Variants in ZNRF4 observed in about 807,000 individuals in gnomAD.
ZNRF4 encodes zinc and ring finger 4.
For missense variants in ZNRF4, 569 were observed against 609.4 expected (o/e 0.93, Z 0.70); for synonymous variants, 291 against 285.9 (o/e 1.02, Z -0.18).
rs776302528 is a variant in ZNRF4 at position 5,456,013 on chromosome 19, C to A, written c.522C>A (p.Asn174Lys). ...YDCTFDLKVL[N>K]AQRAGFEAAI... Reference sequence around the variant, plus strand: ...GCACCTTCGACCTCAAGGTGCTGAACGCCCAGCGCGCCGGCTTCGAGGCGG... The same window carrying A: ...GCACCTTCGACCTCAAGGTGCTGAAAGCCCAGCGCGCCGGCTTCGAGGCGG... Residue 174 changes from asparagine to lysine, a missense_variant, in exon 1 of 1, where the codon AAC becomes AAA. Physicochemically the swap from Asn to Lys is moderately conservative, Grantham distance 94 (BLOSUM62 0). Coordinates refer to ENST00000222033, the MANE Select transcript of ZNRF4 (RefSeq NM_181710.4). 6.2e-7 allele frequency: 1 copy of A among 1,601,064 alleles called. No homozygotes were observed. Among genetic ancestry groups the A allele is most frequent in the Non-Finnish European group, 8.5e-7 (1 of 1,179,790 alleles).
At position 5,456,445 on chromosome 19, in the gene ZNRF4, G is replaced by C; in HGVS notation, c.954G>C (p.Glu318Asp). Residue 318 changes from glutamate to aspartate, a missense_variant, in exon 1 of 1, where the codon GAG becomes GAC. Transcript: ENST00000222033. ...LCAICLDEYEEGDQLKILPCS... is the reference protein window; with the variant it reads ...LCAICLDEYEDGDQLKILPCS... ...CCATCTGCCTGGATGAGTATGAGGA[G>C]GGCGACCAACTCAAGATCCTGCCCT... 3 of 1,613,854 alleles carry C rather than the reference G, an allele frequency of 1.9e-6. No individual in the cohort carries two copies. The highest frequency in any genetic ancestry group is 2.5e-6 in the Non-Finnish European group (3 of 1,180,026).
chr19:5,456,626 C>A lies in ZNRF4; in HGVS notation c.1135C>A (p.His379Asn), dbSNP rs1356817886. The change falls in exon 1 of 1, where the codon CAC (histidine) becomes AAC (asparagine). Residue 379 changes from histidine to asparagine, a missense_variant. His to Asn is a moderately conservative substitution (Grantham distance 68). Transcript: ENST00000222033. ...GGACGAGGACCCCTCCCTACCGGGC[C>A]ACCGGCCCCCCATCTGGGCCATTCA... Reference protein sequence around the residue: ...FRDEDPSLPGHRPPIWAIQVQ... With the variant: ...FRDEDPSLPGNRPPIWAIQVQ... 6.2e-7 allele frequency: 1 copy of A among 1,613,344 alleles called. No homozygotes were observed. Among genetic ancestry groups the A allele is most frequent in the Middle Eastern group, 1.7e-4 (1 of 6,060 alleles).
Position 5,456,080 on chromosome 19 carries a change from A to G in ZNRF4, c.589A>G (p.Thr197Ala). ...CCACTCCGACGACCTCGTGAGCATG[A>G]CCCACGTCTACGAGGACTTGAGGGG... ...NVHSDDLVSM[T>A]HVYEDLRGQI... The change falls in exon 1 of 1, where the codon ACC (threonine) becomes GCC (alanine). Residue 197 changes from threonine to alanine, a missense_variant. By Grantham distance (58) the Thr-to-Ala change is moderately conservative. Transcript: ENST00000222033. The G allele has an allele frequency of 1.2e-6, 2 of 1,605,578 alleles. No homozygotes were observed. Among genetic ancestry groups the G allele is most frequent in the Non-Finnish European group, 1.7e-6 (2 of 1,179,862 alleles).
In ZNRF4 at chr19:5,456,503, C is replaced by T. The variant is rs1199189932; in HGVS notation, c.1012C>T (p.Pro338Ser). The change falls in exon 1 of 1, where the codon CCC (proline) becomes TCC (serine). Residue 338 changes from proline (P) to serine (S), a missense_variant. Pro to Ser is a moderately conservative substitution (Grantham distance 74). Coordinates refer to ENST00000222033, the MANE Select transcript of ZNRF4 (RefSeq NM_181710.4). Reference sequence around the variant, plus strand: ...CACCTACCACTGCAAATGCATTGACCCCTGGTTCTCCCAAGCCCCCCGGCG... The same window carrying T: ...CACCTACCACTGCAAATGCATTGACTCCTGGTTCTCCCAAGCCCCCCGGCG... ...SHTYHCKCID[P>S]WFSQAPRRSC... The T allele has an allele frequency of 6.2e-7, 1 of 1,614,134 alleles. No homozygotes were observed. The highest frequency in any genetic ancestry group is 1.7e-5 in the Admixed American group (1 of 60,028).
Position 5,456,181 on chromosome 19 carries a change from G to A in ZNRF4, c.690G>A (p.Lys230=). 3.1e-6 allele frequency: 5 copies of A among 1,608,392 alleles called. No homozygotes were observed. The highest frequency in any genetic ancestry group is 4.2e-6 in the Non-Finnish European group (5 of 1,179,840). The part of the protein sequence containing the change: ...QDLRVILGCN[K]SAHALLLPDD... Reference sequence around the variant, plus strand: ...TGCGGGTCATCCTGGGCTGCAACAAGTCGGCCCACGCGCTGCTCCTGCCCG... The same window carrying A: ...TGCGGGTCATCCTGGGCTGCAACAAATCGGCCCACGCGCTGCTCCTGCCCG... Residue 230 remains lysine, a synonymous_variant, in exon 1 of 1, where the codon AAG becomes AAA. Transcript: ENST00000222033.
In ZNRF4 at chr19:5,456,242, G is replaced by C. The variant is rs113345491; in HGVS notation, c.751G>C (p.Val251Leu). ...GTGCCACGACCTGGGCTGTCACCCC[G>C]TGCTGACCGTGTCCTGGGTGCTGGG... ...PPCHDLGCHP[V>L]LTVSWVLGCT... Residue 251 changes from valine (V) to leucine (L), a missense_variant, in exon 1 of 1, where the codon GTG becomes CTG. Transcript: ENST00000222033. 2 of 1,612,814 alleles carry C rather than the reference G, an allele frequency of 1.2e-6. No homozygotes were observed. The highest frequency in any genetic ancestry group is 8.5e-7 in the Non-Finnish European group (1 of 1,180,022).
rs1235805061 is a variant in ZNRF4 at position 5,455,975 on chromosome 19, C to T, written c.484C>T (p.Arg162Cys). Residue 162 changes from arginine to cysteine, a missense_variant, in exon 1 of 1, where the codon CGC becomes TGC. Coordinates refer to ENST00000222033, the MANE Select transcript of ZNRF4 (RefSeq NM_181710.4). ...NRSLGAIVLI[R>C]RYDCTFDLKV... ...CTCTCTGGGCGCCATCGTGCTGATC[C>T]GCCGCTACGACTGCACCTTCGACCT... 2.2e-5 allele frequency: 35 copies of T among 1,600,324 alleles called. No individual in the cohort carries two copies. Among genetic ancestry groups the T allele is most frequent in the East Asian group, 2.0e-4 (9 of 44,880 alleles).
In ZNRF4 at chr19:5,456,191, G is replaced by A. The variant is rs746264967; in HGVS notation, c.700G>A (p.Ala234Thr). ...CCTGGGCTGCAACAAGTCGGCCCAC[G>A]CGCTGCTCCTGCCCGACGACCCACC... ...VILGCNKSAH[A>T]LLLPDDPPCH... Residue 234 changes from alanine to threonine, a missense_variant, in exon 1 of 1, where the codon GCG becomes ACG. Transcript: ENST00000222033. 32 of 1,608,940 alleles carry A rather than the reference G, an allele frequency of 2.0e-5. No homozygotes were observed. The highest frequency in any genetic ancestry group is 4.0e-5 in the African/African-American group (3 of 74,902).
chr19:5,456,571 C>T lies in ZNRF4; in HGVS notation c.1080C>T (p.Asp360=). 2.5e-6 allele frequency: 4 copies of T among 1,614,008 alleles called. No individual in the cohort carries two copies. The highest frequency in any genetic ancestry group is 3.4e-6 in the Non-Finnish European group (4 of 1,179,910). ...VCKQSVAATE[D]SFDSTTYSFR... ...AACAGTCGGTGGCCGCCACAGAAGA[C>T]AGCTTTGACTCCACCACCTACAGCT... Residue 360 remains aspartate (D), a synonymous_variant, in exon 1 of 1, where the codon GAC becomes GAT. Coordinates refer to ENST00000222033, the MANE Select transcript of ZNRF4 (RefSeq NM_181710.4).
Position 5,455,875 on chromosome 19 carries a change from C to A in ZNRF4, c.384C>A (p.Gly128=). Residue 128 remains glycine (G), a synonymous_variant, in exon 1 of 1, where the codon GGC becomes GGA. Transcript: ENST00000222033. ...ALFGVPLAPE[G]IRGYLMEVKP... ...TCGGCGTCCCCCTGGCCCCCGAGGG[C>A]ATACGGGGCTACCTGATGGAGGTCA... 6.2e-7 allele frequency: 1 copy of A among 1,603,540 alleles called. No individual in the cohort carries two copies.
At position 5,456,044 on chromosome 19, in the gene ZNRF4, G is replaced by A. The variant is rs1428521596; in HGVS notation, c.553G>A (p.Val185Met). Residue 185 changes from valine to methionine, a missense_variant, in exon 1 of 1, where the codon GTG (valine) becomes ATG (methionine). Val to Met is a conservative substitution (Grantham distance 21). Coordinates refer to ENST00000222033, the MANE Select transcript of ZNRF4 (RefSeq NM_181710.4). The stretch of plus-strand genomic sequence containing the variant: ...GCGCGCCGGCTTCGAGGCGGCCATC[G>A]TGCACAACGTCCACTCCGACGACCT... ...AQRAGFEAAI[V>M]HNVHSDDLVS... 7 of 1,602,772 alleles carry A rather than the reference G, an allele frequency of 4.4e-6. No homozygotes were observed. The highest frequency in any genetic ancestry group is 2.7e-5 in the African/African-American group (2 of 74,928).
Position 5,455,658 on chromosome 19 carries a change from C to G in ZNRF4, c.167C>G (p.Pro56Arg). Reference protein sequence around the residue: ...RRCPKASCLPPPVGPSSTQTA... With the variant: ...RRCPKASCLPRPVGPSSTQTA... ...TGCCCAAAGGCCTCATGCCTGCCGC[C>G]TCCAGTGGGACCTAGCAGCACACAG... Residue 56 changes from proline to arginine, a missense_variant, in exon 1 of 1, where the codon CCT (proline) becomes CGT (arginine). By Grantham distance (103) the Pro-to-Arg change is moderately radical (BLOSUM62 -2). Transcript: ENST00000222033. 6.2e-7 allele frequency: 1 copy of G among 1,610,474 alleles called. No individual in the cohort carries two copies. Among genetic ancestry groups the G allele is most frequent in the Non-Finnish European group, 8.5e-7 (1 of 1,179,976 alleles).
In ZNRF4 at chr19:5,456,824, G is replaced by C; in HGVS notation, c.*43G>C. On this transcript the variant is annotated 3_prime_UTR_variant, in exon 1 of 1. Transcript: ENST00000222033. ...GGGGGTGCAATGAGGAATGTTTCTG[G>C]TCTGAAAAGAATAAAGTGGGTTTGA... is the stretch of plus-strand genomic sequence containing the variant. 1 of 1,482,490 alleles carries C rather than the reference G, an allele frequency of 6.7e-7. No individual in the cohort carries two copies. Among genetic ancestry groups the C allele is most frequent in the Non-Finnish European group, 9.0e-7 (1 of 1,114,084 alleles). 91.8% of individuals were successfully genotyped at this position (1,482,490 alleles called of 1,614,324 possible). A position where few individuals can be genotyped will look rare whatever the true frequency, so the allele number is the denominator to read the frequency against.
At position 5,455,886 on chromosome 19, in the gene ZNRF4, A is replaced by G. The variant is rs2051612824; in HGVS notation, c.395A>G (p.Tyr132Cys). Residue 132 changes from tyrosine (Y) to cysteine (C), a missense_variant, in exon 1 of 1, where the codon TAC (tyrosine) becomes TGC (cysteine). Transcript: ENST00000222033. ...VPLAPEGIRG[Y>C]LMEVKPANAC... ...CTGGCCCCCGAGGGCATACGGGGCT[A>G]CCTGATGGAGGTCAAGCCAGCCAAC... 3.1e-6 allele frequency: 5 copies of G among 1,602,882 alleles called. No individual in the cohort carries two copies. Among genetic ancestry groups the G allele is most frequent in the Non-Finnish European group, 4.2e-6 (5 of 1,179,546 alleles).
In ZNRF4 at chr19:5,456,274, C is replaced by A; in HGVS notation, c.783C>A (p.Thr261=). The A allele has an allele frequency of 6.2e-7, 1 of 1,613,608 alleles. No individual in the cohort carries two copies. The highest frequency in any genetic ancestry group is 8.5e-7 in the Non-Finnish European group (1 of 1,180,024). Residue 261 remains threonine, a synonymous_variant, in exon 1 of 1, where the codon ACC becomes ACA. Coordinates refer to ENST00000222033, the MANE Select transcript of ZNRF4 (RefSeq NM_181710.4). ...VLTVSWVLGC[T]LALVVSAFFV... is the part of the protein sequence containing the mutation. ...CCGTGTCCTGGGTGCTGGGCTGTAC[C>A]CTGGCCCTGGTCGTATCAGCCTTCT...
chr19:5,455,580 C>T lies in ZNRF4; in HGVS notation c.89C>T (p.Pro30Leu), dbSNP rs761243688. ...CTGCCTCTGAGCCACGCGGTCATTC[C>T]AACTCAACTGCCCTCGCGTCCTGGC... ...ASLPLSHAVI[P>L]TQLPSRPGHR... is the part of the protein sequence containing the mutation. The change falls in exon 1 of 1, where the codon CCA becomes CTA. Residue 30 changes from proline to leucine, a missense_variant. By Grantham distance (98) the Pro-to-Leu change is moderately conservative. Coordinates refer to ENST00000222033, the MANE Select transcript of ZNRF4 (RefSeq NM_181710.4). 6.2e-7 allele frequency: 1 copy of T among 1,612,568 alleles called. No individual in the cohort carries two copies. Among genetic ancestry groups the T allele is most frequent in the South Asian group, 1.1e-5 (1 of 91,086 alleles).
Position 5,455,842 on chromosome 19 carries a change from G to T in ZNRF4, c.351G>T (p.Pro117=). ...GCTCGGTGGACTTTGCGGATCTGCC[G>T]GCGCTGTTCGGCGTCCCCCTGGCCC... ...NSSSVDFADL[P]ALFGVPLAPE... The change falls in exon 1 of 1, where the codon CCG becomes CCT. Residue 117 remains proline (P), a synonymous_variant. Coordinates refer to ENST00000222033, the MANE Select transcript of ZNRF4 (RefSeq NM_181710.4). The T allele has an allele frequency of 6.2e-7, 1 of 1,603,826 alleles. No individual in the cohort carries two copies.
rs1188325359 is a variant in ZNRF4, at chr19:5,456,643, G to A, written c.1152G>A (p.Trp384Ter). Residue 384 changes from tryptophan to a stop codon, truncating the protein, a stop_gained, in exon 1 of 1, where the codon TGG (tryptophan) becomes TGA (stop). Coordinates refer to ENST00000222033, the MANE Select transcript of ZNRF4 (RefSeq NM_181710.4). LOFTEE classifies it low-confidence loss of function (END_TRUNC). ...TACCGGGCCACCGGCCCCCCATCTG[G>A]GCCATTCAAGTCCAGCTACGCTCCC... Reference protein sequence around the residue: ...PSLPGHRPPIWAIQVQLRSRR... With the variant: ...PSLPGHRPPI 3.7e-6 allele frequency: 6 copies of A among 1,613,744 alleles called. No homozygotes were observed. The Admixed American group carries it at 5.0e-5, about 13-fold the overall frequency.
rs201002446 is a variant in ZNRF4, at chr19:5,456,430, G to A, written c.939G>A (p.Leu313=). The change falls in exon 1 of 1, where the codon CTG becomes CTA. Residue 313 remains leucine, a synonymous_variant. Coordinates refer to ENST00000222033, the MANE Select transcript of ZNRF4 (RefSeq NM_181710.4). ...ACAACGACCTGTGTGCCATCTGCCTGGATGAGTATGAGGAGGGCGACCAAC... is the reference window on the plus strand; with the variant it reads ...ACAACGACCTGTGTGCCATCTGCCTAGATGAGTATGAGGAGGGCGACCAAC... ...TWHNDLCAIC[L]DEYEEGDQLK... is the part of the protein sequence containing the mutation. The A allele has an allele frequency of 1.9e-6, 3 of 1,613,772 alleles. No individual in the cohort carries two copies.
Sources: allele counts gnomAD v4.1 joint callset, GRCh38; gene constraint gnomAD v4.1.1; transcripts MANE v1.5; gene names NCBI Gene and HGNC (gene_info 2026-07-23, HGNC 2026-07-21).